KIF26B: variants seen among roughly 807,000 people sequenced by gnomAD.
KIF26B encodes the protein kinesin family member 26B.
KIF26B carries 63 observed loss-of-function variants against 151.2 expected under a neutral mutation model. That is an observed-to-expected ratio of 0.42 (90% CI 0.34 to 0.51). The LOEUF is 0.51. Ranked by LOEUF, KIF26B falls within the 20% of genes least tolerant of loss-of-function variation. KIF26B has a pLI of 0.07. For missense variants in KIF26B, 2,813 were observed against 2,913.6 expected (o/e 0.97, Z 0.79); for synonymous variants, 1,357 against 1,262.1 (o/e 1.08, Z -1.59).
chr1:245,698,782 T>C lies in KIF26B; in HGVS notation c.6028-105T>C. The C allele has an allele frequency of 7.1e-7, 1 of 1,408,604 alleles. No homozygotes were observed. 87.3% of individuals were successfully genotyped at this position (1,408,604 alleles called of 1,614,324 possible). A position where few individuals can be genotyped will look rare whatever the true frequency, so the allele number is the denominator to read the frequency against. ...GGATGACCCATGTCCCTCCCACACG[T>C]CTCCAAGCCCAGCCTGTTTTCCATC... On this transcript the variant is annotated intron_variant, in intron 13 of 14. Coordinates refer to ENST00000407071, the MANE Select transcript of KIF26B (RefSeq NM_018012.4). This position sits in a 1 kb window ranked among gnomAD's most constrained non-coding sequence, Gnocchi z 4.0.
Position 245,495,761 on chromosome 1 carries a change from C to T in KIF26B, c.1167-45006C>T, listed in dbSNP as rs894636863. On this transcript the variant is annotated intron_variant, in intron 4 of 14. Transcript: ENST00000407071. The surrounding 1 kb of genome is among the most constrained non-coding windows in gnomAD (Gnocchi z 4.2). Reference sequence around the variant, plus strand: ...AGGATATACACAGAGAAAACCACAGCTGGGTACAATGTAGTAAAACTGTTG... The same window carrying T: ...AGGATATACACAGAGAAAACCACAGTTGGGTACAATGTAGTAAAACTGTTG... 1.3e-5 allele frequency among the ~76,000 whole-genome samples: 2 copies of T among 152,070 alleles called. No individual in the cohort carries two copies. Among genetic ancestry groups the T allele is most frequent in the South Asian group, 4.1e-4 (2 of 4,824 alleles).
In KIF26B at chr1:245,341,328, T is replaced by G. The variant is rs796895811; in HGVS notation, c.466-25506T>G. On this transcript the variant is annotated intron_variant, in intron 2 of 14. Transcript: ENST00000407071. ...GTTTTTTTTTTTTTTTTTTTTTTTT[T>G]TTTTTTTTTTGAGACACTGTCTTGC... is the stretch of plus-strand genomic sequence containing the variant. 6.6e-4 allele frequency among the ~76,000 whole-genome samples: 78 copies of G among 117,892 alleles called. 1 individual carries two copies. Among genetic ancestry groups the G allele is most frequent in the African/African-American group, 1.2e-3 (34 of 28,534 alleles). The allele number at this position is 117,892 out of a possible 152,430, so 77.3% of individuals were successfully genotyped here.
Position 245,666,145 on chromosome 1 carries a change from C to A in KIF26B, c.2259-18088C>A, listed in dbSNP as rs528885889. On this transcript the variant is annotated intron_variant, in intron 10 of 14. Coordinates refer to ENST00000407071, the MANE Select transcript of KIF26B (RefSeq NM_018012.4). ...CCTCCCAAGTGGCTGGGATTACAGG[C>A]AGGTGCCACCACACTTGGCTAATTT... is the stretch of plus-strand genomic sequence containing the variant. Among the ~76,000 whole-genome samples, 67 of 151,866 alleles carry A rather than the reference C, an allele frequency of 4.4e-4. 2 individuals carry two copies. In the South Asian group the frequency reaches 0.013, roughly 29 times the overall value.
At chr1:245,681,553 A>G (rs993792629) in intron 10 of KIF26B, among the ~76,000 whole-genome samples, 2 of 152,126 alleles carry the variant, frequency 1.3e-5, no homozygotes, top group Admixed American at 1.3e-4. Flanking sequence ...GGTCACGTGG[A>G]GATACAGGGG....
chr1:245,427,151 T>G (rs1295321754), intron 4 of KIF26B, among the ~76,000 whole-genome samples: 1 of 152,202 alleles, frequency 6.6e-6, no homozygotes, highest in African/African-American at 2.4e-5. Context: ...ACAATTGGTC[T>G]CAGGTGATCT....
chr1:245,285,556 G>T (rs529401948), intron 2 of KIF26B, among the ~76,000 whole-genome samples: 1 of 150,826 alleles, frequency 6.6e-6, no homozygotes, highest in South Asian at 2.1e-4. Flanking sequence ...TTTCCTGAGG[G>T]TTTGATTTAT....
rs1042842332 is a variant in KIF26B, at chr1:245,597,264, G to A, written c.1351-5313G>A. Among the ~76,000 whole-genome samples, 1 of 152,178 alleles carries A rather than the reference G, an allele frequency of 6.6e-6. No individual in the cohort carries two copies. Among genetic ancestry groups the A allele is most frequent in the Non-Finnish European group, 1.5e-5 (1 of 68,042 alleles). ...TTTGGTATCTTTGTGCAGTGGGCTG[G>A]TACCAGTTGATCCTTTCCATGTTTA... On this transcript the variant is annotated intron_variant, in intron 5 of 14. Coordinates refer to ENST00000407071, the MANE Select transcript of KIF26B (RefSeq NM_018012.4). The surrounding 1 kb of genome is among the most constrained non-coding windows in gnomAD (Gnocchi z 4.6).
chr1:245,337,878 G>A (rs1672267177), intron 2 of KIF26B, among the ~76,000 whole-genome samples: 1 of 152,180 alleles, frequency 6.6e-6, no homozygotes, highest in Non-Finnish European at 1.5e-5. Flanking sequence ...ACCCTTCGCA[G>A]CCAGGTCTCC....
chr1:245,273,781 C>T (rs902855592), intron 2 of KIF26B, among the ~76,000 whole-genome samples: 1 of 152,122 alleles, frequency 6.6e-6, no homozygotes, highest in African/African-American at 2.4e-5. Context: ...CCCTTGTAGA[C>T]AGCATATAGC....
chr1:245,577,487 G>A (rs1206324944), intron 5 of KIF26B, among the ~76,000 whole-genome samples: 2 of 152,232 alleles, frequency 1.3e-5, no homozygotes, highest in Non-Finnish European at 2.9e-5. Context: ...AGAGGGTTTA[G>A]GAGACAAAAG....
chr1:245,169,541 G>A (rs1019461152), intron 2 of KIF26B, among the ~76,000 whole-genome samples: 2 of 152,090 alleles, frequency 1.3e-5, no homozygotes, highest in Admixed American at 6.6e-5. Context: ...TGACCCTCTC[G>A]GCAGGCTGAG....
At chr1:245,440,353 G>C (rs1659047598) in intron 4 of KIF26B, among the ~76,000 whole-genome samples, 2 of 152,294 alleles carry the variant, frequency 1.3e-5, no homozygotes, top group Admixed American at 1.3e-4. Context: ...ACAAGAGCTA[G>C]GGTGCAATCT....
At chr1:245,496,990 C>T (rs897124617) in intron 4 of KIF26B, among the ~76,000 whole-genome samples, 11 of 151,894 alleles carry the variant, frequency 7.2e-5, no homozygotes, top group African/African-American at 2.7e-4. Context: ...CCCATCTCTA[C>T]TAAAAATACA....
intron 5 of KIF26B, among the ~76,000 whole-genome samples, chr1:245,555,609 G>C (rs1332232767): frequency 6.6e-6 from 1 of 152,100 alleles, no homozygotes; most frequent in Admixed American, 6.5e-5. Context: ...TGTGGAAGAC[G>C]CTATCCTACA....
intron 2 of KIF26B, among the ~76,000 whole-genome samples, chr1:245,354,978 T>C (rs909604854): frequency 6.6e-6 from 1 of 152,240 alleles, no homozygotes; most frequent in African/African-American, 2.4e-5. Context: ...TAGAGTGCAC[T>C]GGCGCGATCT....
chr1:245,694,217 C>A (rs2147964171), intron 12 of KIF26B, among the ~76,000 whole-genome samples: 2 of 152,338 alleles, frequency 1.3e-5, no homozygotes, highest in Middle Eastern at 6.8e-3. Flanking sequence ...GGCCACACAG[C>A]CAGCATCGTT....
intron 2 of KIF26B, among the ~76,000 whole-genome samples, chr1:245,362,140 C>T (rs1296399486): frequency 6.6e-6 from 1 of 151,178 alleles, no homozygotes; most frequent in African/African-American, 2.4e-5. Flanking sequence ...TGAGAATGAC[C>T]CTCTGTGTCT....
rs544363756 is a variant in KIF26B at position 245,389,826 on chromosome 1, G to C, written c.999+22459G>C. Among the ~76,000 whole-genome samples the C allele has an allele frequency of 5.3e-5, 8 of 152,280 alleles. No homozygotes were observed. In the East Asian group the frequency reaches 7.7e-4, roughly 15 times the overall value. On this transcript the variant is annotated intron_variant, in intron 3 of 14. Transcript: ENST00000407071. ...AGCCCAACACTGTGAATGCAGTGAG[G>C]CCTTTCCTCCTTTCCCAAGGCTCAT... is the stretch of plus-strand genomic sequence containing the variant.
intron 14 of KIF26B, among the ~76,000 whole-genome samples, chr1:245,701,272 C>T (rs2044768466): frequency 6.6e-6 from 1 of 152,228 alleles, no homozygotes; most frequent in African/African-American, 2.4e-5. Context: ...TGCCTGCTGA[C>T]TATTCCCTGT....
Sources: allele counts gnomAD v4.1 joint callset (sites outside exome capture counted in the v4.1 genomes callset), GRCh38; gene constraint gnomAD v4.1.1; non-coding constraint Gnocchi (gnomAD v3.1); transcripts MANE v1.5; gene names NCBI Gene and HGNC (gene_info 2026-07-23, HGNC 2026-07-21).